The following PLEKHA5 variants were observed in gnomAD, a reference collection of about 807,000 sequenced individuals.
PLEKHA5 encodes pleckstrin homology domain containing A5.
PLEKHA5 carries 55 observed loss-of-function variants against 181.9 expected under a neutral mutation model. That is an observed-to-expected ratio of 0.30 (90% confidence interval 0.24 to 0.38). The LOEUF is 0.38. PLEKHA5 is among the 10% of genes least tolerant of loss of function. PLEKHA5 has a pLI of 1.00. For synonymous variants in PLEKHA5, 535 were observed against 529.4 expected, an observed-to-expected ratio of 1.01 and a Z score of -0.15; for missense variants, 1,432 against 1,549.5, an observed-to-expected ratio of 0.92 and a Z score of 1.27.
At chr12:19,341,150 A>G (rs981831405) in intron 21 of PLEKHA5, among the ~76,000 whole-genome samples, 1 of 151,942 alleles carries the variant, frequency 6.6e-6, no homozygotes, top group African/African-American at 2.4e-5. Flanking sequence ...GGTGTCACAC[A>G]CCTGTAATTC....
In PLEKHA5 at chr12:19,228,759, T is replaced by G. The variant is rs2060031176; in HGVS notation, c.228-25181T>G. 3.3e-5 allele frequency among the ~76,000 whole-genome samples: 5 copies of G among 152,294 alleles called. No homozygotes were observed. The South Asian group carries it at 8.3e-4, about 25-fold the overall frequency. ...CCACTTACCCACCCACACCTAGACA[T>G]TCTCTTTTTTTCTTTTTAATTTTTT... On this transcript the variant is annotated intron_variant, in intron 3 of 31. Transcript: ENST00000429027.
At chr12:19,355,887 G>T (rs934083815) in intron 26 of PLEKHA5, among the ~76,000 whole-genome samples, 49 of 152,100 alleles carry the variant, frequency 3.2e-4, no homozygotes, top group African/African-American at 1.1e-3. Flanking sequence ...GAGGCCAGGT[G>T]CTGTAGCTTA....
chr12:19,367,338 C>T (rs7137859), intron 30 of PLEKHA5, among the ~76,000 whole-genome samples: 16,058 of 142,172 alleles, frequency 0.11, 888 homozygotes, highest in South Asian at 0.17. Flanking sequence ...TCACTGCAAT[C>T]TCCACCTCCC....
At chr12:19,343,289 T>C in intron 21 of PLEKHA5, 34 bp from the exon 22 acceptor site, 1 of 1,248,890 alleles carries the variant, frequency 8.0e-7, no homozygotes, top group Non-Finnish European at 1.1e-6. Flanking sequence ...ATGATTTTTT[T>C]TCTTATATAT....
At chr12:19,354,375 G>C (rs543592070) in intron 26 of PLEKHA5, among the ~76,000 whole-genome samples, 1 of 139,528 alleles carries the variant, frequency 7.2e-6, no homozygotes, top group Non-Finnish European at 1.6e-5. Context: ...GGATGGTCTC[G>C]ATCTCCTGAC....
intron 3 of PLEKHA5, among the ~76,000 whole-genome samples, chr12:19,217,457 A>T (rs2058168328): frequency 6.6e-6 from 1 of 152,234 alleles, no homozygotes; most frequent in African/African-American, 2.4e-5. Context: ...TAAATGCTTA[A>T]TAAATTTTAA....
In PLEKHA5 at chr12:19,329,551, T is replaced by A. The variant is rs151297933; in HGVS notation, c.2448+6884T>A. On this transcript the variant is annotated intron_variant, in intron 20 of 31. Transcript: ENST00000429027. ...GTTAAGTGTTTCAGTTTCTTCCTGATTCAATCTTGGGAGATTGTATATTTC... is the reference window on the plus strand; with the variant it reads ...GTTAAGTGTTTCAGTTTCTTCCTGAATCAATCTTGGGAGATTGTATATTTC... 5.9e-3 allele frequency among the ~76,000 whole-genome samples: 893 copies of A among 152,250 alleles called. 5 individuals carry two copies. Among genetic ancestry groups the A allele is most frequent in the South Asian group, 0.016 (77 of 4,822 alleles).
intron 7 of PLEKHA5, among the ~76,000 whole-genome samples, chr12:19,265,318 T>C (rs375365784): frequency 1.3e-5 from 2 of 152,308 alleles, no homozygotes; most frequent in South Asian, 2.1e-4. Context: ...GGTAACATTC[T>C]CGAAGGAGAA....
At position 19,219,427 on chromosome 12, in the gene PLEKHA5, G is replaced by C. The variant is rs78825378; in HGVS notation, c.228-34513G>C. ...TTTATTTTTGTGTTTGAATATATGT[G>C]TGTGTATGTGTGTTGTTTTGGGAAA... On this transcript the variant is annotated intron_variant, in intron 3 of 31. Coordinates refer to ENST00000429027, the MANE Select transcript of PLEKHA5 (RefSeq NM_001256470.2). Among the ~76,000 whole-genome samples the C allele has an allele frequency of 1.7e-3, 259 of 150,692 alleles. 3 individuals are homozygous for C. The East Asian group carries it at 0.026, about 15-fold the overall frequency.
chr12:19,202,181 A>G lies in PLEKHA5; in HGVS notation c.228-51759A>G, dbSNP rs1305653910. Among the ~76,000 whole-genome samples, 4 of 152,134 alleles carry G rather than the reference A, an allele frequency of 2.6e-5. No individual in the cohort carries two copies. In the East Asian group the frequency reaches 7.7e-4, roughly 29 times the overall value. Reference sequence around the variant, plus strand: ...TAGACCTTGGGTTTCTATTACCACAAAAAAATTCCAAAATCTGGGTCCAAA... The same window carrying G: ...TAGACCTTGGGTTTCTATTACCACAGAAAAATTCCAAAATCTGGGTCCAAA... On this transcript the variant is annotated intron_variant, in intron 3 of 31. Coordinates refer to ENST00000429027, the MANE Select transcript of PLEKHA5 (RefSeq NM_001256470.2).
intron 15 of PLEKHA5, among the ~76,000 whole-genome samples, chr12:19,308,734 A>T (rs1458088480): frequency 6.6e-6 from 1 of 152,092 alleles, no homozygotes; most frequent in Non-Finnish European, 1.5e-5. Context: ...ACATAGTTCC[A>T]TCTGGAAATG....
chr12:19,196,232 A>G (rs2052697244), intron 3 of PLEKHA5, among the ~76,000 whole-genome samples: 1 of 152,212 alleles, frequency 6.6e-6, no homozygotes, highest in Admixed American at 6.5e-5. Context: ...GTACTGATTA[A>G]GCATTTTTTA....
intron 3 of PLEKHA5, among the ~76,000 whole-genome samples, chr12:19,163,263 A>C (rs1002108930): frequency 6.7e-6 from 1 of 148,900 alleles, no homozygotes; most frequent in Non-Finnish European, 1.5e-5. Context: ...TGCAAACTCC[A>C]CCTCCTGGGT....
rs1049275917 is a variant in PLEKHA5, at chr12:19,375,812, A to G, written c.*293A>G. ...GCTTTTTAATGTGCAGTCTATTTCCAGAGCTTACTTAGTTGCTGATTTCCA... is the reference window on the plus strand; with the variant it reads ...GCTTTTTAATGTGCAGTCTATTTCCGGAGCTTACTTAGTTGCTGATTTCCA... On this transcript the variant is annotated 3_prime_UTR_variant, in exon 32 of 32. Transcript: ENST00000429027. 2.0e-5 allele frequency: 3 copies of G among 152,636 alleles called. No homozygotes were observed. Among genetic ancestry groups the G allele is most frequent in the African/African-American group, 7.2e-5 (3 of 41,468 alleles). 9.5% of individuals were successfully genotyped at this position (152,636 alleles called of 1,614,324 possible).
chr12:19,237,124 G>A (rs1006168604), intron 3 of PLEKHA5: 1 of 152,096 alleles, frequency 6.6e-6, no homozygotes, highest in Non-Finnish European at 1.5e-5. Flanking sequence ...ATGATCCTAT[G>A]GCAAATAATC....
chr12:19,245,333 C>T (rs1177480926), intron 3 of PLEKHA5, among the ~76,000 whole-genome samples: 2 of 152,114 alleles, frequency 1.3e-5, no homozygotes, highest in Non-Finnish European at 2.9e-5. Context: ...TATTCAGTTT[C>T]CTCTAGGTCG....
chr12:19,368,465 C>T (rs753377758), intron 30 of PLEKHA5, among the ~76,000 whole-genome samples: 1 of 151,750 alleles, frequency 6.6e-6, no homozygotes, highest in Non-Finnish European at 1.5e-5. Context: ...TACTGCTTTC[C>T]AGCCTGAGCA....
intron 19 of PLEKHA5, 52 bp downstream of exon 19, chr12:19,322,442 TATC>T: frequency 6.4e-7 from 1 of 1,569,338 alleles, no homozygotes; most frequent in South Asian, 1.1e-5. Flanking sequence ...ATATGATTAT[TATC>T]AGGACACTGA....
intron 3 of PLEKHA5, among the ~76,000 whole-genome samples, chr12:19,191,171 T>C (rs2051036461): frequency 6.6e-6 from 1 of 152,214 alleles, no homozygotes; most frequent in Non-Finnish European, 1.5e-5. Context: ...TTTAAAGTAC[T>C]GGTAGCAAAC....
Sources: gnomAD v4.1 joint callset for allele counts (sites outside exome capture counted in the v4.1 genomes callset) on GRCh38, gnomAD v4.1.1 for gene constraint, MANE v1.5 for transcripts, NCBI Gene and HGNC (gene_info 2026-07-23, HGNC 2026-07-21) for gene names.